Variants in MRPL42 observed in about 807,000 individuals in gnomAD.
The protein encoded by MRPL42 is large ribosomal subunit protein mL42.
Under a neutral mutation model 17.9 loss-of-function variants are expected in MRPL42, and 17 were observed. The observed-to-expected ratio is 0.95, with a 90% confidence interval of 0.65 to 1.42. The LOEUF is 1.42. MRPL42 is among the 40% of genes most tolerant of loss of function. The probability of loss-of-function intolerance (pLI) is 0.00; values close to 1 mark genes in which losing one functional copy is unlikely to be tolerated. For synonymous variants in MRPL42, 59 were observed against 54.4 expected, an observed-to-expected ratio of 1.08 and a Z score of -0.37; for missense variants, 177 against 175.2, an observed-to-expected ratio of 1.01 and a Z score of -0.06.
At chr12:93,476,691 T>A (rs1241723839) in intron 2 of MRPL42, among the ~76,000 whole-genome samples, 1 of 152,234 alleles carries the variant, frequency 6.6e-6, no homozygotes. Flanking sequence ...CCTTTCTGTG[T>A]GGCCCATCTT....
At chr12:93,470,489 CG>C (rs768447469) in intron 2 of MRPL42, 53 of 1,279,346 alleles carry the variant, frequency 4.1e-5, no homozygotes, top group Non-Finnish European at 5.0e-5. Flanking sequence ...ATTTTAGATT[CG>C]GGCGTACATG....
At chr12:93,472,330 C>A (rs7956882) in intron 2 of MRPL42, among the ~76,000 whole-genome samples, 4 of 151,944 alleles carry the variant, frequency 2.6e-5, no homozygotes, top group African/African-American at 9.7e-5. Flanking sequence ...TGGCTCACAC[C>A]TGTAATACCA....
rs1880648707 is a variant in MRPL42 at position 93,484,979 on chromosome 12, C to CATACATATAT, written c.220-2515_220-2514insCATATATATA. Among the ~76,000 whole-genome samples the CATACATATAT allele has an allele frequency of 8.9e-5, 2 of 22,462 alleles. 1 individual carries two copies. Among genetic ancestry groups the CATACATATAT allele is most frequent in the Non-Finnish European group, 2.1e-4 (2 of 9,400 alleles). The allele number at this position is 22,462 out of a possible 152,430, so 14.7% of individuals were successfully genotyped here. A position where few individuals can be genotyped will look rare whatever the true frequency, so the allele number is the denominator to read the frequency against. ...TTTAAAAAACACACACACACACACACATATATATATATATATATATATATA... is the reference window on the plus strand; with the variant it reads ...TTTAAAAAACACACACACACACACACATACATATATATATATATATATATATATATATATA... On this transcript the variant is annotated intron_variant, in intron 4 of 5. Coordinates refer to ENST00000549982, the MANE Select transcript of MRPL42 (RefSeq NM_014050.4).
chr12:93,481,676 C>G (rs10859496), intron 4 of MRPL42, among the ~76,000 whole-genome samples: 43,489 of 152,020 alleles, frequency 0.29, 7,405 homozygotes, highest in Non-Finnish European at 0.39. Flanking sequence ...CATCAGCTAC[C>G]CACTTCCATG....
At position 93,469,244 on chromosome 12, in the gene MRPL42, A is replaced by T. The variant is rs893138431; in HGVS notation, c.-42A>T. The T allele has an allele frequency of 4.0e-6, 6 of 1,515,854 alleles. No individual in the cohort carries two copies. The African/African-American group carries it at 8.4e-5, about 21-fold the overall frequency. 93.9% of individuals were successfully genotyped at this position (1,515,854 alleles called of 1,614,324 possible). A position where few individuals can be genotyped will look rare whatever the true frequency, so the allele number is the denominator to read the frequency against. On this transcript the variant is annotated 5_prime_UTR_variant, in exon 2 of 6. Coordinates refer to ENST00000549982, the MANE Select transcript of MRPL42 (RefSeq NM_014050.4). ...GATTCTAAAAGCAGTTTCTCTTCAG[A>T]ACATCTTTTTTCATACCACTTGATA...
chr12:93,474,793 C>A (rs1880080766), intron 2 of MRPL42, among the ~76,000 whole-genome samples: 1 of 151,754 alleles, frequency 6.6e-6, no homozygotes, highest in Non-Finnish European at 1.5e-5. Flanking sequence ...TGATGTCAAA[C>A]AAGAAAATAA....
chr12:93,497,151 T>C (rs1214867010), intron 5 of MRPL42, among the ~76,000 whole-genome samples: 1 of 151,944 alleles, frequency 6.6e-6, no homozygotes, highest in Non-Finnish European at 1.5e-5. Context: ...AAAGAGCCAG[T>C]ACCAATCCTA....
chr12:93,495,072 G>T (rs538736785), intron 5 of MRPL42, among the ~76,000 whole-genome samples: 1 of 152,018 alleles, frequency 6.6e-6, no homozygotes, highest in East Asian at 1.9e-4. Flanking sequence ...GGTAACCTGG[G>T]GATTCAATCT....
rs1221519302 is a variant in MRPL42 at position 93,502,823 on chromosome 12, A to T, written c.*1602A>T. The T allele has an allele frequency of 2.0e-5, 3 of 152,226 alleles. No individual in the cohort carries two copies. The highest frequency in any genetic ancestry group is 7.2e-5 in the African/African-American group (3 of 41,456). 9.4% of individuals were successfully genotyped at this position (152,226 alleles called of 1,614,324 possible). A position where few individuals can be genotyped will look rare whatever the true frequency, so the allele number is the denominator to read the frequency against. On this transcript the variant is annotated 3_prime_UTR_variant, in exon 6 of 6. Transcript: ENST00000549982. The stretch of plus-strand genomic sequence containing the variant: ...CTCTTCCGAGTACAAAGCTCTGCTA[A>T]ATAAGGATTTACCCAAGATGCCCAC...
intron 4 of MRPL42, among the ~76,000 whole-genome samples, chr12:93,486,121 A>G (rs1029858452): frequency 2.0e-5 from 3 of 151,704 alleles, no homozygotes; most frequent in Non-Finnish European, 4.4e-5. Context: ...TGAGCCACAT[A>G]GCTGGCCAAG....
rs190826172 is a variant in MRPL42, at chr12:93,506,925, G to A, written c.*5704G>A. On this transcript the variant is annotated 3_prime_UTR_variant, in exon 6 of 6. Coordinates refer to ENST00000549982, the MANE Select transcript of MRPL42 (RefSeq NM_014050.4). ...AGAGCATAGAAGATAGAATCGTAAA[G>A]CTGAAAGACATCTTAAAGATGATTT... 2.6e-5 allele frequency: 4 copies of A among 152,304 alleles called. No homozygotes were observed. Among genetic ancestry groups the A allele is most frequent in the Admixed American group, 2.6e-4 (4 of 15,288 alleles). The allele number at this position is 152,304 out of a possible 1,614,324, so 9.4% of individuals were successfully genotyped here.
At chr12:93,489,526 T>TATTG (rs1475129845) in intron 5 of MRPL42, among the ~76,000 whole-genome samples, 1 of 151,224 alleles carries the variant, frequency 6.6e-6, no homozygotes, top group Non-Finnish European at 1.5e-5. Flanking sequence ...TTTTCCTTCT[T>TATTG]ATTTTATTTT....
intron 3 of MRPL42, among the ~76,000 whole-genome samples, chr12:93,477,437 T>C (rs1880232187): frequency 6.6e-6 from 1 of 152,256 alleles, no homozygotes; most frequent in Non-Finnish European, 1.5e-5. Flanking sequence ...ACTTATTCAA[T>C]TTAGTCACTA....
rs1357343295 is a variant in MRPL42 at position 93,504,421 on chromosome 12, G to A, written c.*3200G>A. The A allele has an allele frequency of 6.5e-6, 1 of 152,726 alleles. No homozygotes were observed. Among genetic ancestry groups the A allele is most frequent in the Non-Finnish European group, 1.5e-5 (1 of 68,042 alleles). 9.5% of individuals were successfully genotyped at this position (152,726 alleles called of 1,614,324 possible). On this transcript the variant is annotated 3_prime_UTR_variant, in exon 6 of 6. Transcript: ENST00000549982. Reference sequence around the variant, plus strand: ...TCCCAAAGTGCTGGGTGGGATTATAGGTGTGAGCCTCCATGCCTGGCCTAA... The same window carrying A: ...TCCCAAAGTGCTGGGTGGGATTATAAGTGTGAGCCTCCATGCCTGGCCTAA...
At chr12:93,478,127 T>G (rs1880270712) in intron 3 of MRPL42, among the ~76,000 whole-genome samples, 1 of 151,858 alleles carries the variant, frequency 6.6e-6, no homozygotes, top group African/African-American at 2.4e-5. Flanking sequence ...CAGCTAATTG[T>G]GTATTTTTTG....
chr12:93,470,604 T>G, intron 2 of MRPL42: 1 of 1,189,186 alleles, frequency 8.4e-7, no homozygotes, highest in Non-Finnish European at 1.1e-6. Context: ...GTTTTTCAAC[T>G]CTTCCCTCCA....
rs1439793186 is a variant in MRPL42 at position 93,515,556 on chromosome 12, A to C, written c.*14335A>C. On this transcript the variant is annotated 3_prime_UTR_variant, in exon 6 of 6. Transcript: ENST00000549982. Reference sequence around the variant, plus strand: ...GGTAATTTTTGTATTTTTAGTATAGATGGAGTTTCGCCATTCTGGCCAGGC... The same window carrying C: ...GGTAATTTTTGTATTTTTAGTATAGCTGGAGTTTCGCCATTCTGGCCAGGC... The C allele has an allele frequency of 6.6e-6, 1 of 151,950 alleles. No homozygotes were observed. Among genetic ancestry groups the C allele is most frequent in the East Asian group, 1.9e-4 (1 of 5,172 alleles). The allele number at this position is 151,950 out of a possible 1,614,324, so 9.4% of individuals were successfully genotyped here.
At chr12:93,486,856 G>A (rs549480448) in intron 4 of MRPL42, among the ~76,000 whole-genome samples, 36 of 151,448 alleles carry the variant, frequency 2.4e-4, no homozygotes, top group African/African-American at 8.0e-4. Flanking sequence ...TAGAGACACG[G>A]TCTCGCTGTG....
chr12:93,479,362 T>C, intron 3 of MRPL42, 26 bp from the exon 4 acceptor site: 1 of 1,565,762 alleles, frequency 6.4e-7, no homozygotes, highest in Non-Finnish European at 8.7e-7. Context: ...AGTATAACTT[T>C]ATTTCTAAAA....
Sources: allele counts gnomAD v4.1 joint callset (sites outside exome capture counted in the v4.1 genomes callset), GRCh38; gene constraint gnomAD v4.1.1; transcripts MANE v1.5; gene names NCBI Gene and HGNC (gene_info 2026-07-23, HGNC 2026-07-21).